TTC3: variants seen among roughly 807,000 people sequenced by gnomAD.
TTC3 encodes E3 ubiquitin-protein ligase TTC3.
A neutral mutation model predicts 249.6 loss-of-function variants in TTC3; 180 were observed. The ratio of observed to expected loss-of-function variants is 0.72; its 90% CI spans 0.64 to 0.82. TTC3 has a LOEUF of 0.82. Among genes scored for constraint, TTC3 ranks in the 40% least tolerant of loss-of-function variants. The pLI, the probability that TTC3 is intolerant of heterozygous loss-of-function variation, is 0.00. For missense variants in TTC3, 2,061 were observed against 2,398.4 expected (o/e 0.86, Z 2.94); for synonymous variants, 717 against 805.0 (o/e 0.89, Z 1.85).
exon 46 of TTC3, chr21:37,201,879 T>G (rs1343939871): frequency 6.4e-6 from 2 of 311,470 alleles, no homozygotes; most frequent in East Asian, 1.6e-4. Flanking sequence ...CGAAGCAGTA[T>G]TCTAGTGATA....
intron 20 of TTC3, 104 bp downstream of exon 20, chr21:37,140,777 G>A (rs1025238907): frequency 1.8e-5 from 12 of 678,122 alleles, no homozygotes; most frequent in South Asian, 2.6e-5. Flanking sequence ...CTCCTCTGTA[G>A]CACACTATCA....
rs538467318 is a variant in TTC3, at chr21:37,105,411, C to T, written c.846-2981C>T. On this transcript the variant is annotated intron_variant, in intron 10 of 45. Coordinates refer to ENST00000355666, the Ensembl canonical transcript of TTC3. ...CATCAGAGACTTAGATTTTTCCAGCCTCAGTGTGTGACTTGGTCCTCAGGC... is the reference window on the plus strand; with the variant it reads ...CATCAGAGACTTAGATTTTTCCAGCTTCAGTGTGTGACTTGGTCCTCAGGC... Among the ~76,000 whole-genome samples, 220 of 152,244 alleles carry T rather than the reference C, an allele frequency of 1.4e-3. 1 individual carries two copies. The highest frequency in any genetic ancestry group is 4.8e-3 in the African/African-American group (201 of 41,542).
At chr21:37,088,848 T>A in exon 5 of TTC3, 2 of 1,613,824 alleles carry the variant, frequency 1.2e-6, no homozygotes, top group Non-Finnish European at 1.7e-6. Context: ...ACATCTTGAG[T>A]TGATGGAAGA....
chr21:37,132,281 A>G (rs894045464), intron 16 of TTC3, among the ~76,000 whole-genome samples: 1 of 151,464 alleles, frequency 6.6e-6, no homozygotes, highest in African/African-American at 2.4e-5. Context: ...TTTTTCTTCT[A>G]TCTGTCACAT....
At position 37,122,956 on chromosome 21, in the gene TTC3, T is replaced by C. The variant is rs1246616448; in HGVS notation, c.1064-27T>C. The C allele has an allele frequency of 3.0e-5, 44 of 1,458,072 alleles. No individual in the cohort carries two copies. The East Asian group carries it at 1.1e-3, about 35-fold the overall frequency. 90.3% of individuals were successfully genotyped at this position (1,458,072 alleles called of 1,614,324 possible). On this transcript the variant is annotated intron_variant, in intron 12 of 45. Transcript: ENST00000355666. ...TGTTGCCAATCCATTGATTACTATG[T>C]GTGTGTGTGTGTGATGACTTTTATA...
chr21:37,125,497 G>A (rs2076977157), intron 14 of TTC3, among the ~76,000 whole-genome samples: 1 of 152,150 alleles, frequency 6.6e-6, no homozygotes, highest in Non-Finnish European at 1.5e-5. Context: ...CTACTGAAGT[G>A]ATGTGTCTTT....
intron 10 of TTC3, chr21:37,100,789 A>T (rs1454786807): frequency 6.6e-6 from 1 of 152,236 alleles, no homozygotes; most frequent in East Asian, 1.9e-4. Flanking sequence ...GGCTTAGAAG[A>T]TGAGATGTCC....
intron 16 of TTC3, 22 bp downstream of exon 16, chr21:37,129,085 T>C (rs1265456674): frequency 2.6e-6 from 4 of 1,548,684 alleles, no homozygotes; most frequent in Admixed American, 2.0e-5. Flanking sequence ...CTCTAAGGTA[T>C]GTTTTTTTCC....
chr21:37,095,135 A>ATG (rs201291680), intron 8 of TTC3, among the ~76,000 whole-genome samples: 4,474 of 76,740 alleles, frequency 0.058, 116 homozygotes, highest in Non-Finnish European at 0.1. Context: ...GTCTCTAAAA[A>ATG]TATGTGTGTG....
At chr21:37,191,777 TG>T (rs1418453986) in intron 40 of TTC3, among the ~76,000 whole-genome samples, 3 of 152,148 alleles carry the variant, frequency 2.0e-5, no homozygotes, top group Non-Finnish European at 4.4e-5. Context: ...TTAGTAGAGA[TG>T]GGGTCTCTCC....
chr21:37,167,186 C>T (rs981957189), intron 33 of TTC3, among the ~76,000 whole-genome samples: 4 of 152,096 alleles, frequency 2.6e-5, no homozygotes, highest in African/African-American at 9.7e-5. Context: ...AAAGAGACAG[C>T]CAGGTAGAAA....
intron 13 of TTC3, 112 bp from the exon 14 acceptor site, chr21:37,124,507 T>TA: frequency 8.4e-7 from 1 of 1,187,102 alleles, no homozygotes; most frequent in Non-Finnish European, 1.2e-6. Context: ...GAAATCTTTT[T>TA]AAAACAATAA....
chr21:37,112,863 C>T (rs1192403594), intron 11 of TTC3, among the ~76,000 whole-genome samples: 4 of 152,164 alleles, frequency 2.6e-5, no homozygotes, highest in African/African-American at 9.7e-5. Context: ...GGGCTTCATC[C>T]CTGGGATGCA....
exon 30 of TTC3, chr21:37,160,811 A>G: frequency 1.2e-6 from 2 of 1,613,072 alleles, no homozygotes; most frequent in Non-Finnish European, 1.7e-6. Context: ...GTTTAGTTCA[A>G]CCAAGGTGAA....
chr21:37,095,837 A>G (rs1038527436), intron 9 of TTC3, among the ~76,000 whole-genome samples: 2 of 152,196 alleles, frequency 1.3e-5, no homozygotes, highest in African/African-American at 4.8e-5. Flanking sequence ...CTAAGAGGGA[A>G]CTTTTACAGG....
At chr21:37,132,458 A>G (rs1487974055) in intron 16 of TTC3, among the ~76,000 whole-genome samples, 1 of 151,574 alleles carries the variant, frequency 6.6e-6, no homozygotes, top group African/African-American at 2.4e-5. Context: ...GATTACAGGC[A>G]TGCACCACCA....
chr21:37,118,678 T>G (rs2076354350), intron 11 of TTC3, among the ~76,000 whole-genome samples: 2 of 152,208 alleles, frequency 1.3e-5, no homozygotes, highest in Admixed American at 1.3e-4. Context: ...GATCCAGATT[T>G]GTACACATCT....
chr21:37,076,545 G>A (rs962648365), intron 1 of TTC3, among the ~76,000 whole-genome samples: 1 of 152,080 alleles, frequency 6.6e-6, no homozygotes, highest in African/African-American at 2.4e-5. Context: ...CCTAAAAATG[G>A]TAATGCCTGA....
intron 5 of TTC3, among the ~76,000 whole-genome samples, chr21:37,089,512 T>TTAG (rs145341711): frequency 0.021 from 3,160 of 152,008 alleles, 112 homozygotes; most frequent in African/African-American, 0.072. Context: ...GCAATGAACT[T>TTAG]TATTATTATT....
Sources: allele counts gnomAD v4.1 joint callset (sites outside exome capture counted in the v4.1 genomes callset), GRCh38; gene constraint gnomAD v4.1.1; transcripts MANE v1.5; gene names NCBI Gene and HGNC (gene_info 2026-07-23, HGNC 2026-07-21).